Variants in TBC1D21 observed in about 807,000 individuals in gnomAD.
The protein encoded by TBC1D21 is male germ cell Rab GTPase-activating protein.
In TBC1D21, 38 loss-of-function variants were observed where a neutral mutation model predicts 46.0. That is an observed-to-expected ratio of 0.83 (90% CI 0.64 to 1.08). TBC1D21 has a LOEUF of 1.08. Ranked by LOEUF, TBC1D21 falls within the 50% of genes least tolerant of loss-of-function variation. The probability of loss-of-function intolerance (pLI) is 0.00; values close to 1 mark genes in which losing one functional copy is unlikely to be tolerated. For synonymous variants in TBC1D21, 151 were observed against 157.2 expected (o/e 0.96, Z 0.29); for missense variants, 415 against 417.9 (o/e 0.99, Z 0.06).
intron 1 of TBC1D21, among the ~76,000 whole-genome samples, chr15:73,875,259 A>AAG (rs1555428819): frequency 2.0e-5 from 3 of 146,876 alleles, no homozygotes; most frequent in Admixed American, 6.7e-5. Context: ...AAAAAAAAAA[A>AAG]AAGAAGAAGA....
At chr15:73,897,922 C>T in the TBC1D21 span, among the ~76,000 whole-genome samples, 4 of 149,426 alleles carry the variant, frequency 2.7e-5, no homozygotes, top group East Asian at 1.9e-4. Flanking sequence ...GGGACCCACG[C>T]GCCGCCTCTA....
chr15:73,886,617 G>A lies in TBC1D21; in HGVS notation c.777+5G>A, dbSNP rs770777404. 6 of 1,612,936 alleles carry A rather than the reference G, an allele frequency of 3.7e-6. No individual in the cohort carries two copies. Among genetic ancestry groups the A allele is most frequent in the Non-Finnish European group, 8.5e-7 (1 of 1,179,762 alleles). On this transcript the variant is annotated splice_donor_5th_base_variant and intron_variant, in intron 8 of 10. Transcript: ENST00000300504. ...GATGTCTGGAGGCTCTGGGAGGTGA[G>A]GTGTCCAGCTAGGGATCATCAGGCT...
At chr15:73,890,029 G>A (rs371384197), downstream of TBC1D21, among the ~76,000 whole-genome samples, 5 of 152,190 alleles carry the variant, frequency 3.3e-5, no homozygotes, top group East Asian at 7.7e-4. Context: ...ACACACACAC[G>A]AATGCACACA....
the TBC1D21 span, among the ~76,000 whole-genome samples, chr15:73,894,773 A>G: frequency 6.6e-6 from 1 of 152,184 alleles, no homozygotes; most frequent in Non-Finnish European, 1.5e-5. Flanking sequence ...ACCAGCCCCC[A>G]TGGCAGAGAC....
intron 1 of TBC1D21, among the ~76,000 whole-genome samples, chr15:73,876,402 T>TG (rs1482137899): frequency 6.8e-6 from 1 of 147,164 alleles, no homozygotes; most frequent in South Asian, 2.2e-4. Flanking sequence ...TAATTTTTGT[T>TG]TTTTTTTTTT....
downstream of TBC1D21, among the ~76,000 whole-genome samples, chr15:73,892,133 GC>G (rs2068342343): frequency 6.6e-6 from 1 of 152,228 alleles, no homozygotes; most frequent in African/African-American, 2.4e-5. Context: ...CCCAGACTCA[GC>G]CAGCCTCAGG....
chr15:73,881,623 C>T lies in TBC1D21; in HGVS notation c.169-21C>T, dbSNP rs765258732. 6.2e-6 allele frequency: 10 copies of T among 1,610,558 alleles called. No individual in the cohort carries two copies. The South Asian group carries it at 1.1e-4, about 18-fold the overall frequency. On this transcript the variant is annotated intron_variant, in intron 2 of 10. Transcript: ENST00000300504. The stretch of plus-strand genomic sequence containing the variant: ...AGGCATCGATAGAGCCCATGACCTC[C>T]ACCTCCCACCCCCACCCCAGGGTCT...
intron 3 of TBC1D21, among the ~76,000 whole-genome samples, chr15:73,881,989 C>T (rs1363045281): frequency 2.0e-5 from 3 of 152,140 alleles, no homozygotes; most frequent in African/African-American, 7.2e-5. Flanking sequence ...AGCCACTCCT[C>T]TTACCCCTGG....
chr15:73,884,654 C>A (rs930377274), intron 4 of TBC1D21, 127 bp from the exon 5 acceptor site: 9 of 672,978 alleles, frequency 1.3e-5, no homozygotes, highest in African/African-American at 7.2e-5. Flanking sequence ...GGCTGATGTA[C>A]CTTTCACAGC....
chr15:73,887,792 A>C, intron 9 of TBC1D21, 56 bp downstream of exon 9: 1 of 1,455,072 alleles, frequency 6.9e-7, no homozygotes, highest in South Asian at 1.1e-5. Context: ...CTGACACCCC[A>C]CCCCACCCCA....
At chr15:73,881,888 C>A in intron 3 of TBC1D21, 141 bp downstream of exon 3, 2 of 731,498 alleles carry the variant, frequency 2.7e-6, no homozygotes. Context: ...CCAGGCACAG[C>A]ACACAGGAGG....
At chr15:73,889,304 G>A (rs775745493), downstream of TBC1D21, 8 of 593,950 alleles carry the variant, frequency 1.3e-5, no homozygotes, top group Middle Eastern at 9.6e-4. Context: ...AGAGAGGCTG[G>A]CTGGCTGAGA....
chr15:73,881,422 C>T lies in TBC1D21; in HGVS notation c.84C>T (p.Asp28=). The T allele has an allele frequency of 6.2e-7, 1 of 1,614,198 alleles. No individual in the cohort carries two copies. Among genetic ancestry groups the T allele is most frequent in the Non-Finnish European group, 8.5e-7 (1 of 1,180,024 alleles). Residue 28 remains aspartate, a synonymous_variant, in exon 2 of 11, where the codon GAC becomes GAT. Transcript: ENST00000300504. ...FILVKRKPPI[D]KTEWDSFFDE... ...AGGTGAAGAGAAAACCACCCATTGA[C>T]AAGACAGAATGGGACAGCTTCTTTG...
chr15:73,878,638 G>T (rs371866158), intron 1 of TBC1D21, among the ~76,000 whole-genome samples: 5 of 152,214 alleles, frequency 3.3e-5, no homozygotes, highest in South Asian at 4.2e-4. Flanking sequence ...CATAAACAGA[G>T]AAATATATTG....
In TBC1D21 at chr15:73,873,674, T is replaced by TTC; in HGVS notation, c.-34_-33dup. On this transcript the variant is annotated 5_prime_UTR_variant, in exon 1 of 11. Transcript: ENST00000300504. ...AAGCATCACTAGGGCTCCAAGTGAGTTCTGATCAGAGGCTGTTCGGAAGAC... is the reference window on the plus strand; with the variant it reads ...AAGCATCACTAGGGCTCCAAGTGAGTTCTCTGATCAGAGGCTGTTCGGAAGAC... 1 of 1,584,520 alleles carries TTC rather than the reference T, an allele frequency of 6.3e-7. No individual in the cohort carries two copies. Among genetic ancestry groups the TTC allele is most frequent in the Non-Finnish European group, 8.6e-7 (1 of 1,162,350 alleles).
At chr15:73,875,033 G>A (rs1425640193) in intron 1 of TBC1D21, among the ~76,000 whole-genome samples, 2 of 152,130 alleles carry the variant, frequency 1.3e-5, no homozygotes, top group African/African-American at 4.8e-5. Context: ...GATCACCTGA[G>A]GTCGCGAGTT....
At chr15:73,885,805 T>TACACACACAC (rs1222395214) in intron 6 of TBC1D21, among the ~76,000 whole-genome samples, 3 of 106,906 alleles carry the variant, frequency 2.8e-5, no homozygotes, top group African/African-American at 9.6e-5. Context: ...GAATCTCTAC[T>TACACACACAC]ACACACACAT....
chr15:73,909,781 AG>A, the TBC1D21 span: 1 of 152,072 alleles, frequency 6.6e-6, no homozygotes, highest in African/African-American at 2.4e-5. Context: ...AACACTCAGA[AG>A]CTGTCAGTGG....
At chr15:73,876,102 G>A (rs2068054530) in intron 1 of TBC1D21, among the ~76,000 whole-genome samples, 1 of 151,572 alleles carries the variant, frequency 6.6e-6, no homozygotes, top group Non-Finnish European at 1.5e-5. Context: ...TCTTGTGGGT[G>A]GCCTATAGTT....
Sources: allele counts gnomAD v4.1 joint callset (sites outside exome capture counted in the v4.1 genomes callset), GRCh38; gene constraint gnomAD v4.1.1; transcripts MANE v1.5; gene names NCBI Gene and HGNC (gene_info 2026-07-23, HGNC 2026-07-21).